NCKAP5L: variants seen among roughly 807,000 people sequenced by gnomAD.
The protein encoded by NCKAP5L is nck-associated protein 5-like.
Under a neutral mutation model 103.2 loss-of-function variants are expected in NCKAP5L, and 54 were observed. The observed-to-expected ratio is 0.52, with a 90% CI of 0.42 to 0.66. NCKAP5L has a LOEUF of 0.66. NCKAP5L is among the 30% of genes least tolerant of loss of function. NCKAP5L has a pLI of 0.00. For missense variants in NCKAP5L, 1,733 were observed against 1,750.6 expected (o/e 0.99, Z 0.18); for synonymous variants, 762 against 748.6 (o/e 1.02, Z -0.29).
In NCKAP5L at chr12:49,797,513, CTG is replaced by C. The variant is rs1946071736; in HGVS notation, c.466-121_466-120del. The C allele has an allele frequency of 1.4e-6, 1 of 739,566 alleles. No individual in the cohort carries two copies. The highest frequency in any genetic ancestry group is 1.8e-5 in the African/African-American group (1 of 56,312). 45.8% of individuals were successfully genotyped at this position (739,566 alleles called of 1,614,324 possible). A position where few individuals can be genotyped will look rare whatever the true frequency, so the allele number is the denominator to read the frequency against. ...AGGAACAGAGCTGGCCTGGTTGTGT[CTG>C]TGTCCCCAAAAGGAATTAACAGCAA... On this transcript the variant is annotated intron_variant, in intron 7 of 12. Transcript: ENST00000335999. The surrounding 1 kb of genome is among the most constrained non-coding windows in gnomAD (Gnocchi z 4.5).
chr12:49,792,199 G>T lies in NCKAP5L; in HGVS notation c.3793-148C>A. The T allele has an allele frequency of 9.6e-7, 1 of 1,039,844 alleles. No individual in the cohort carries two copies. The highest frequency in any genetic ancestry group is 1.4e-6 in the Non-Finnish European group (1 of 705,458). 64.4% of individuals were successfully genotyped at this position (1,039,844 alleles called of 1,614,324 possible). ...GTGGGGTATACTTCAGAGGAAACAG[G>T]CTGGAGGTACAACTGAGAACAGTCC... On this transcript the variant is annotated intron_variant, in intron 12 of 12. Transcript: ENST00000335999. This position sits in a 1 kb window ranked among gnomAD's most constrained non-coding sequence, Gnocchi z 4.5.
In NCKAP5L at chr12:49,797,227, G is replaced by A. The variant is rs375311023; in HGVS notation, c.633C>T (p.Pro211=). The change falls in exon 8 of 13, where the codon CCC becomes CCT. Residue 211 remains proline, a synonymous_variant. Transcript: ENST00000335999. The surrounding 1 kb of genome is among the most constrained non-coding windows in gnomAD (Gnocchi z 4.5). ...DPLLLCSPAT[P]WRPPGQGPGS... ...CAGGCCCCTGGCCTGGAGGCCGCCA[G>A]GGGGTGGCAGGTGAGCAGAGAAGCA... is the stretch of plus-strand genomic sequence containing the variant. 58 of 1,613,344 alleles carry A rather than the reference G, an allele frequency of 3.6e-5. No homozygotes were observed. In the Middle Eastern group the frequency reaches 3.8e-3, roughly 105 times the overall value.
chr12:49,792,303 G>C lies in NCKAP5L; in HGVS notation c.3792+143C>G. 2 of 1,502,278 alleles carry C rather than the reference G, an allele frequency of 1.3e-6. No homozygotes were observed. Among genetic ancestry groups the C allele is most frequent in the East Asian group, 4.9e-5 (2 of 40,762 alleles). 93.1% of individuals were successfully genotyped at this position (1,502,278 alleles called of 1,614,324 possible). ...GGGCAGTGGGGAGGGCCGCTCACAG[G>C]GCATCCCAGGGGTCCTCCTCCCAGA... On this transcript the variant is annotated intron_variant, in intron 12 of 12. Transcript: ENST00000335999. This position sits in a 1 kb window ranked among gnomAD's most constrained non-coding sequence, Gnocchi z 4.5.
rs1945961633 is a variant in NCKAP5L, at chr12:49,792,835, T to TG, written c.3491dup (p.Pro1165ThrfsTer48). 3 of 1,239,924 alleles carry TG rather than the reference T, an allele frequency of 2.4e-6. No individual in the cohort carries two copies. The highest frequency in any genetic ancestry group is 3.2e-6 in the Non-Finnish European group (3 of 926,430). The allele number at this position is 1,239,924 out of a possible 1,614,324, so 76.8% of individuals were successfully genotyped here. ...CGCGGCGGGGGACTTTGGTAAGGGG[T>TG]GGGGGCCGAGCTGGGGGTACCCCAG... On this transcript the variant is annotated frameshift_variant, in exon 11 of 13. Transcript: ENST00000335999. LOFTEE classifies it high-confidence loss of function. The surrounding 1 kb of genome is among the most constrained non-coding windows in gnomAD (Gnocchi z 4.5).
chr12:49,807,308 T>C (rs1322707298), intron 1 of NCKAP5L, among the ~76,000 whole-genome samples: 3 of 151,866 alleles, frequency 2.0e-5, no homozygotes, highest in Admixed American at 6.6e-5. Flanking sequence ...CTGAAAACAC[T>C]TGGAGGAAAA....
chr12:49,792,362 C>T lies in NCKAP5L; in HGVS notation c.3792+84G>A, dbSNP rs761394742. 1.1e-4 allele frequency: 167 copies of T among 1,568,722 alleles called. 2 individuals are homozygous for T. The Admixed American group carries it at 2.0e-3, about 19-fold the overall frequency. ...CACTGAGACTGTGCGACACACAGGCCGTACCTTACTGGAGAAACTGGTCTC... is the reference window on the plus strand; with the variant it reads ...CACTGAGACTGTGCGACACACAGGCTGTACCTTACTGGAGAAACTGGTCTC... On this transcript the variant is annotated intron_variant, in intron 12 of 12. Coordinates refer to ENST00000335999, the MANE Select transcript of NCKAP5L (RefSeq NM_001037806.4). This position sits in a 1 kb window ranked among gnomAD's most constrained non-coding sequence, Gnocchi z 4.5.
At chr12:49,818,723 G>A (rs1480293694) in intron 1 of NCKAP5L, among the ~76,000 whole-genome samples, 2 of 152,152 alleles carry the variant, frequency 1.3e-5, no homozygotes, top group Non-Finnish European at 2.9e-5. Context: ...TCGATATCAC[G>A]AATCATCAGG....
chr12:49,794,929 G>A lies in NCKAP5L; in HGVS notation c.2931C>T (p.Asp977=). The A allele has an allele frequency of 6.4e-7, 1 of 1,562,922 alleles. No individual in the cohort carries two copies. The highest frequency in any genetic ancestry group is 8.7e-7 in the Non-Finnish European group (1 of 1,155,224). Residue 977 remains aspartate (D), a synonymous_variant, in exon 8 of 13, where the codon GAC becomes GAT. Coordinates refer to ENST00000335999, the MANE Select transcript of NCKAP5L (RefSeq NM_001037806.4). ...TCTCCTCTTCCAGTGCCCGACGCAG[G>A]TCTTCCGCCTTGGCCATCAGCTTGG... The part of the protein sequence containing the change: ...NISKLMAKAE[D]LRRALEEEKA...
chr12:49,814,269 G>A (rs1006342347), intron 1 of NCKAP5L, among the ~76,000 whole-genome samples: 1 of 150,520 alleles, frequency 6.6e-6, no homozygotes, highest in Non-Finnish European at 1.5e-5. Flanking sequence ...CGGATCACGA[G>A]GTCAGAAGTT....
At chr12:49,820,994 T>C (rs749931075) in intron 1 of NCKAP5L, among the ~76,000 whole-genome samples, 5 of 152,022 alleles carry the variant, frequency 3.3e-5, no homozygotes, top group Admixed American at 6.6e-5. Flanking sequence ...GAGAAGAATA[T>C]CCCATCTAGA....
chr12:49,800,623 T>G (rs1220156973), intron 6 of NCKAP5L, among the ~76,000 whole-genome samples: 1 of 152,228 alleles, frequency 6.6e-6, no homozygotes. Flanking sequence ...TTTATCCTTA[T>G]CTGTAAAGAA....
At chr12:49,822,154 A>C (rs540041412) in intron 1 of NCKAP5L, among the ~76,000 whole-genome samples, 2 of 152,308 alleles carry the variant, frequency 1.3e-5, no homozygotes, top group South Asian at 4.1e-4. Flanking sequence ...CACAATAAGA[A>C]GCCTCTGTCC....
In NCKAP5L at chr12:49,792,782, C is replaced by T. The variant is rs967851391; in HGVS notation, c.3545G>A (p.Gly1182Asp). ...CCCACTCACCAGCAGCTCCTCTATG[C>T]CTGGCACCTCCCGCTCCAGTGTGTG... Reference protein sequence around the residue: ...RAHTLEREVPGIEELLVSGRH... With the variant: ...RAHTLEREVPDIEELLVSGRH... The change falls in exon 11 of 13, where the codon GGC (glycine) becomes GAC (aspartate). Residue 1182 changes from glycine (G) to aspartate (D), a missense_variant. Coordinates refer to ENST00000335999, the MANE Select transcript of NCKAP5L (RefSeq NM_001037806.4). This position sits in a 1 kb window ranked among gnomAD's most constrained non-coding sequence, Gnocchi z 4.5. 3.1e-6 allele frequency: 5 copies of T among 1,607,018 alleles called. No homozygotes were observed. The African/African-American group carries it at 6.7e-5, about 21-fold the overall frequency.
Position 49,803,996 on chromosome 12 carries a change from G to T in NCKAP5L, c.49C>A (p.Pro17Thr). The T allele has an allele frequency of 6.2e-7, 1 of 1,612,368 alleles. No homozygotes were observed. The highest frequency in any genetic ancestry group is 1.3e-5 in the African/African-American group (1 of 75,056). Reference protein sequence around the residue: ...QPAGGPGNPRPGEGDDGSMEP... With the variant: ...QPAGGPGNPRTGEGDDGSMEP... Reference sequence around the variant, plus strand: ...ATGCTGCCATCATCACCCTCTCCTGGCCTTGGGTTTCCAGGACCCCCAGCT... The same window carrying T: ...ATGCTGCCATCATCACCCTCTCCTGTCCTTGGGTTTCCAGGACCCCCAGCT... The change falls in exon 3 of 13, where the codon CCA (proline) becomes ACA (threonine). Residue 17 changes from proline to threonine, a missense_variant. Coordinates refer to ENST00000335999, the MANE Select transcript of NCKAP5L (RefSeq NM_001037806.4).
In NCKAP5L at chr12:49,796,706, G is replaced by C; in HGVS notation, c.1154C>G (p.Thr385Ser). 2 of 1,601,372 alleles carry C rather than the reference G, an allele frequency of 1.2e-6. No individual in the cohort carries two copies. The highest frequency in any genetic ancestry group is 1.7e-6 in the Non-Finnish European group (2 of 1,174,142). ...GLPKSAWGGG[T>S]PEAHRPGFGA... ...GAAGCCTGGCCTGTGGGCCTCTGGG[G>C]TACCCCCACCCCAAGCTGACTTGGG... The change falls in exon 8 of 13, where the codon ACC becomes AGC. Residue 385 changes from threonine (T) to serine (S), a missense_variant. Physicochemically the swap from Thr to Ser is moderately conservative, Grantham distance 58. Coordinates refer to ENST00000335999, the MANE Select transcript of NCKAP5L (RefSeq NM_001037806.4).
chr12:49,815,189 A>AT (rs1243486078), intron 1 of NCKAP5L, among the ~76,000 whole-genome samples: 4 of 152,234 alleles, frequency 2.6e-5, no homozygotes, highest in Non-Finnish European at 5.9e-5. Flanking sequence ...ACTTTGGACT[A>AT]TGTAAATATC....
intron 1 of NCKAP5L, among the ~76,000 whole-genome samples, chr12:49,815,378 T>C (rs1187955176): frequency 1.3e-5 from 2 of 152,226 alleles, no homozygotes; most frequent in African/African-American, 4.8e-5. Flanking sequence ...AATCATGTAT[T>C]TATATTGGTA....
intron 1 of NCKAP5L, among the ~76,000 whole-genome samples, chr12:49,820,913 C>A (rs1946354263): frequency 6.6e-6 from 1 of 152,194 alleles, no homozygotes; most frequent in African/African-American, 2.4e-5. Flanking sequence ...CCCCTCTGGG[C>A]CTCAGTTTCC....
At chr12:49,806,892 A>G (rs2042915421) in intron 1 of NCKAP5L, among the ~76,000 whole-genome samples, 1 of 152,248 alleles carries the variant, frequency 6.6e-6, no homozygotes, top group Non-Finnish European at 1.5e-5. Flanking sequence ...ATATATGTAG[A>G]GTGTCTGGCG....
Sources: allele counts gnomAD v4.1 joint callset (sites outside exome capture counted in the v4.1 genomes callset), GRCh38; gene constraint gnomAD v4.1.1; non-coding constraint Gnocchi (gnomAD v3.1); transcripts MANE v1.5; gene names NCBI Gene and HGNC (gene_info 2026-07-23, HGNC 2026-07-21).